The following ARHGEF28 variants were observed in gnomAD, a reference collection of about 807,000 sequenced individuals.
ARHGEF28 encodes the protein 190 kDa guanine nucleotide exchange factor.
Under a neutral mutation model 206.6 loss-of-function variants are expected in ARHGEF28, and 152 were observed. The observed-to-expected ratio is 0.74, with a 90% confidence interval of 0.64 to 0.84. The LOEUF is 0.84. Among genes scored for constraint, ARHGEF28 ranks in the 40% least tolerant of loss-of-function variants. The pLI is 0.00. For missense variants in ARHGEF28, 2,028 were observed against 2,073.2 expected, an observed-to-expected ratio of 0.98 and a Z score of 0.42; for synonymous variants, 763 against 776.4, an observed-to-expected ratio of 0.98 and a Z score of 0.29.
rs142603880 is a variant in ARHGEF28 at position 73,771,877 on chromosome 5, A to G, written c.476-1978A>G. ...TTTTTTAATTTTCATAAAGCTGAAG[A>G]TATCAAGTATATTAAACAAATGTCT... On this transcript the variant is annotated intron_variant, in intron 4 of 35. Coordinates refer to ENST00000513042, the MANE Select transcript of ARHGEF28 (RefSeq NM_001177693.2). 8.1e-3 allele frequency among the ~76,000 whole-genome samples: 1,228 copies of G among 152,294 alleles called. 8 individuals carry two copies. The highest frequency in any genetic ancestry group is 0.012 in the Non-Finnish European group (832 of 68,026).
chr5:73,911,237 G>GA (rs1480969576), intron 34 of ARHGEF28, 38 bp from the exon 35 acceptor site: 2 of 1,500,348 alleles, frequency 1.3e-6, no homozygotes, highest in Non-Finnish European at 1.8e-6. Context: ...GTATAAGTTA[G>GA]AAAAATTATT....
Position 73,909,647 on chromosome 5 carries a change from C to T in ARHGEF28, c.4397C>T (p.Ala1466Val), listed in dbSNP as rs1269218553. Reference sequence around the variant, plus strand: ...TGTGAGCAGCAGCAGCGGGCGCAGGCGACCAGGGAGAGCTGGCTGCAGGAG... The same window carrying T: ...TGTGAGCAGCAGCAGCGGGCGCAGGTGACCAGGGAGAGCTGGCTGCAGGAG... ...RRCEQQQRAQ[A>V]TRESWLQERE... is the part of the protein sequence containing the mutation. Residue 1466 changes from alanine (A) to valine (V), a missense_variant, in exon 34 of 36, where the codon GCG (alanine) becomes GTG (valine). Physicochemically the swap from Ala to Val is moderately conservative, Grantham distance 64. Coordinates refer to ENST00000513042, the MANE Select transcript of ARHGEF28 (RefSeq NM_001177693.2). 1 of 1,547,558 alleles carries T rather than the reference C, an allele frequency of 6.5e-7. No homozygotes were observed. The highest frequency in any genetic ancestry group is 8.7e-7 in the Non-Finnish European group (1 of 1,145,726).
At chr5:73,659,636 G>A (rs1364659870) in intron 1 of ARHGEF28, among the ~76,000 whole-genome samples, 1 of 152,078 alleles carries the variant, frequency 6.6e-6, no homozygotes, top group East Asian at 1.9e-4. Flanking sequence ...TGATGAAAAA[G>A]TACTGATTAA....
intron 35 of ARHGEF28, among the ~76,000 whole-genome samples, chr5:73,931,038 A>G (rs1764090613): frequency 6.6e-6 from 1 of 152,206 alleles, no homozygotes. Context: ...AAGTCTGATT[A>G]AAGGAAATTT....
At chr5:73,782,600 G>A (rs1435833578) in intron 7 of ARHGEF28, among the ~76,000 whole-genome samples, 1 of 152,168 alleles carries the variant, frequency 6.6e-6, no homozygotes, top group Admixed American at 6.5e-5. Context: ...CCTTCTTGGA[G>A]CCCAAGGGAA....
At chr5:73,767,073 C>T (rs1435245094) in intron 4 of ARHGEF28, among the ~76,000 whole-genome samples, 2 of 152,178 alleles carry the variant, frequency 1.3e-5, no homozygotes, top group Non-Finnish European at 2.9e-5. Flanking sequence ...TTTCCCTGCA[C>T]AAGCTCTCTC....
At chr5:73,785,321 C>T (rs763861797) in intron 7 of ARHGEF28, among the ~76,000 whole-genome samples, 1 of 152,060 alleles carries the variant, frequency 6.6e-6, no homozygotes, top group Non-Finnish European at 1.5e-5. Flanking sequence ...CCTTTTTTCG[C>T]AGTTCTCAAC....
intron 9 of ARHGEF28, among the ~76,000 whole-genome samples, chr5:73,802,475 G>A (rs990058215): frequency 2.0e-5 from 3 of 152,158 alleles, no homozygotes; most frequent in South Asian, 2.1e-4. Flanking sequence ...AAAAATGGCA[G>A]TACTTTCTCT....
At chr5:73,638,006 A>G (rs1367321736) in intron 1 of ARHGEF28, among the ~76,000 whole-genome samples, 1 of 152,166 alleles carries the variant, frequency 6.6e-6, no homozygotes, top group Non-Finnish European at 1.5e-5. Flanking sequence ...CAGTGATGTT[A>G]TAGAAACAAG....
intron 8 of ARHGEF28, 67 bp from the exon 9 acceptor site, chr5:73,795,264 C>CA: frequency 6.9e-7 from 1 of 1,456,692 alleles, no homozygotes. Flanking sequence ...TTCTAGTTCA[C>CA]AAAAATAAAC....
chr5:73,711,608 T>C (rs1749249648), intron 2 of ARHGEF28, among the ~76,000 whole-genome samples: 1 of 152,160 alleles, frequency 6.6e-6, no homozygotes, highest in African/African-American at 2.4e-5. Context: ...TTCTAAAATT[T>C]CAAATTCCAG....
chr5:73,794,638 G>A (rs562899980), intron 8 of ARHGEF28, among the ~76,000 whole-genome samples, 184 bp downstream of exon 8: 3 of 140,428 alleles, frequency 2.1e-5, no homozygotes, highest in African/African-American at 8.1e-5. Context: ...ATGGAGCCTC[G>A]CTCTGTCACC....
At chr5:73,790,816 T>C (rs572997078) in intron 7 of ARHGEF28, among the ~76,000 whole-genome samples, 1 of 152,116 alleles carries the variant, frequency 6.6e-6, no homozygotes, top group Non-Finnish European at 1.5e-5. Context: ...GTGAATTGAA[T>C]TTGTACACTA....
chr5:73,856,542 G>A (rs1240987007), intron 14 of ARHGEF28, among the ~76,000 whole-genome samples: 1 of 151,910 alleles, frequency 6.6e-6, no homozygotes, highest in Non-Finnish European at 1.5e-5. Context: ...ATAACTTAAA[G>A]TTTTATTATA....
intron 1 of ARHGEF28, among the ~76,000 whole-genome samples, chr5:73,639,001 T>G (rs1316718186): frequency 2.0e-5 from 3 of 152,264 alleles, no homozygotes; most frequent in South Asian, 2.1e-4. Context: ...CTAGTGTTTG[T>G]ATGCAAATCT....
intron 1 of ARHGEF28, among the ~76,000 whole-genome samples, chr5:73,646,619 T>G (rs1251080559): frequency 1.3e-5 from 2 of 152,194 alleles, no homozygotes; most frequent in Non-Finnish European, 2.9e-5. Context: ...ACTCTTCATC[T>G]TGCTTCTGGC....
At chr5:73,671,740 T>A (rs77984751) in intron 1 of ARHGEF28, among the ~76,000 whole-genome samples, 102 of 10,312 alleles carry the variant, frequency 9.9e-3, no homozygotes, top group African/African-American at 0.019. Flanking sequence ...ATATATATAT[T>A]TTTTTTTTTT....
intron 1 of ARHGEF28, among the ~76,000 whole-genome samples, chr5:73,658,151 A>C (rs933746464): frequency 5.3e-5 from 8 of 151,646 alleles, no homozygotes; most frequent in African/African-American, 1.2e-4. Context: ...AAAAAAAAAA[A>C]AACTCAATTA....
chr5:73,687,672 C>T (rs1480084220), intron 2 of ARHGEF28, among the ~76,000 whole-genome samples: 1 of 151,908 alleles, frequency 6.6e-6, no homozygotes, highest in African/African-American at 2.4e-5. Context: ...TAAATATTCA[C>T]TTCTAGTTTC....
Sources: gnomAD v4.1 joint callset for allele counts (sites outside exome capture counted in the v4.1 genomes callset) on GRCh38, gnomAD v4.1.1 for gene constraint, MANE v1.5 for transcripts, NCBI Gene and HGNC (gene_info 2026-07-23, HGNC 2026-07-21) for gene names.